The following NRXN3 variants were observed in gnomAD, a reference collection of about 807,000 sequenced individuals.
NRXN3 encodes the protein neurexin III.
A neutral mutation model predicts 137.6 loss-of-function variants in NRXN3; 32 were observed. The observed-to-expected ratio is 0.23, with a 90% confidence interval of 0.18 to 0.31. The LOEUF is 0.31. Among genes scored for constraint, NRXN3 ranks in the 10% least tolerant of loss-of-function variants. NRXN3 has a pLI of 1.00. For synonymous variants in NRXN3, 798 were observed against 784.5 expected (o/e 1.02, Z -0.29); for missense variants, 1,574 against 2,062.5 (o/e 0.76, Z 4.59).
chr14:78,488,264 A>G (rs1002835907), intron 4 of NRXN3, among the ~76,000 whole-genome samples: 1 of 152,208 alleles, frequency 6.6e-6, no homozygotes. Flanking sequence ...AAATACAGTC[A>G]CATTCTGAGG....
intron 15 of NRXN3, among the ~76,000 whole-genome samples, chr14:79,206,034 A>G (rs1281662234): frequency 2.6e-5 from 4 of 152,156 alleles, no homozygotes; most frequent in East Asian, 1.9e-4. Context: ...GCATGGAGGA[A>G]CACACCATTC....
At chr14:79,364,630 A>G (rs972364542) in intron 15 of NRXN3, among the ~76,000 whole-genome samples, 2 of 152,214 alleles carry the variant, frequency 1.3e-5, no homozygotes, top group Non-Finnish European at 2.9e-5. Context: ...GTACATAATA[A>G]TAATACTCTA....
intron 15 of NRXN3, among the ~76,000 whole-genome samples, chr14:79,245,814 T>C (rs1306092647): frequency 2.0e-5 from 3 of 152,128 alleles, no homozygotes; most frequent in Non-Finnish European, 4.4e-5. Context: ...GAGTCCTTTT[T>C]AAAAAATAAT....
chr14:79,569,692 T>C (rs170246), intron 16 of NRXN3, among the ~76,000 whole-genome samples: 15,748 of 151,588 alleles, frequency 0.1, 1,268 homozygotes, highest in African/African-American at 0.22. Context: ...CCCTGCAACC[T>C]CCGTCTCCCG....
In NRXN3 at chr14:79,754,537, T is replaced by C. The variant is rs1414897410; in HGVS notation, c.4015-50575T>C. Among the ~76,000 whole-genome samples the C allele has an allele frequency of 7.6e-4, 71 of 93,150 alleles. 1 individual carries two copies. The highest frequency in any genetic ancestry group is 2.1e-3 in the South Asian group (5 of 2,338). 61.1% of individuals were successfully genotyped at this position (93,150 alleles called of 152,430 possible). On this transcript the variant is annotated intron_variant, in intron 19 of 20. Transcript: ENST00000335750. Reference sequence around the variant, plus strand: ...ATATATATATATATATATATATATATATATATATATATATATATATATATA... The same window carrying C: ...ATATATATATATATATATATATATACATATATATATATATATATATATATA...
At position 79,697,837 on chromosome 14, in the gene NRXN3, C is replaced by T. The variant is rs746669604; in HGVS notation, c.3914C>T (p.Thr1305Met). The change falls in exon 19 of 21, where the codon ACG (threonine) becomes ATG (methionine). Residue 1305 changes from threonine (T) to methionine (M), a missense_variant. This residue lies in a region of NRXN3 where 320 missense variants were observed against 387.1 expected (regional missense o/e 0.83). Transcript: ENST00000335750. ...EVPSILGTTQ[T>M]TSMPPEMSTT... ...CCATCAATTTTGGGAACAACACAGA[C>T]GACCTCCATGCCACCAGAAATGTCT... The T allele has an allele frequency of 3.7e-5, 59 of 1,613,126 alleles. No homozygotes were observed. Among genetic ancestry groups the T allele is most frequent in the South Asian group, 1.8e-4 (16 of 91,076 alleles).
At chr14:79,417,717 C>A (rs1351550211) in intron 15 of NRXN3, among the ~76,000 whole-genome samples, 1 of 151,978 alleles carries the variant, frequency 6.6e-6, no homozygotes, top group African/African-American at 2.4e-5. Flanking sequence ...GAAAATAGCT[C>A]AAAATTTAGA....
At chr14:78,807,504 G>A (rs1404699354) in intron 9 of NRXN3, among the ~76,000 whole-genome samples, 3 of 152,044 alleles carry the variant, frequency 2.0e-5, no homozygotes, top group South Asian at 2.1e-4. Flanking sequence ...CAGCTCTTTG[G>A]GAGGCCGAGG....
chr14:78,373,846 A>G (rs1323244054), intron 4 of NRXN3, among the ~76,000 whole-genome samples: 1 of 152,256 alleles, frequency 6.6e-6, no homozygotes, highest in African/African-American at 2.4e-5. Context: ...TGAGAGAGAA[A>G]AAAAGACCTG....
chr14:79,037,992 A>C (rs1467358522), intron 15 of NRXN3, among the ~76,000 whole-genome samples: 2 of 152,052 alleles, frequency 1.3e-5, no homozygotes, highest in Non-Finnish European at 2.9e-5. Context: ...GATCCTGCTG[A>C]CTTTGTAGAC....
chr14:79,230,163 C>G (rs2071883478), intron 15 of NRXN3, among the ~76,000 whole-genome samples: 2 of 152,042 alleles, frequency 1.3e-5, no homozygotes, highest in Non-Finnish European at 2.9e-5. Context: ...ACACAGTAGA[C>G]TTGAAATATT....
At chr14:79,520,038 A>G in intron 16 of NRXN3, among the ~76,000 whole-genome samples, 1 of 149,630 alleles carries the variant, frequency 6.7e-6, no homozygotes, top group East Asian at 1.9e-4. Context: ...ATAACTCTTA[A>G]GTTTTCTGTT....
At chr14:79,841,577 G>A (rs2141461546) in intron 20 of NRXN3, among the ~76,000 whole-genome samples, 1 of 152,328 alleles carries the variant, frequency 6.6e-6, no homozygotes, top group Non-Finnish European at 1.5e-5. Context: ...TGGCTGCAGG[G>A]CCACAGCAGG....
At chr14:78,908,786 G>T (rs559310601) in intron 10 of NRXN3, among the ~76,000 whole-genome samples, 1 of 151,962 alleles carries the variant, frequency 6.6e-6, no homozygotes, top group African/African-American at 2.4e-5. Context: ...TTATGGTGAG[G>T]CTTGGGTAGA....
At chr14:79,638,806 C>T (rs2098418409) in intron 16 of NRXN3, among the ~76,000 whole-genome samples, 1 of 152,086 alleles carries the variant, frequency 6.6e-6, no homozygotes, top group Non-Finnish European at 1.5e-5. Context: ...TTGCTGTTGG[C>T]AGAGTAACGG....
chr14:79,421,978 T>C (rs2095582913), intron 15 of NRXN3, among the ~76,000 whole-genome samples: 1 of 152,202 alleles, frequency 6.6e-6, no homozygotes, highest in Non-Finnish European at 1.5e-5. Flanking sequence ...GACTTCACCA[T>C]GTAGATCTCA....
intron 15 of NRXN3, among the ~76,000 whole-genome samples, chr14:79,269,754 C>T (rs556620950): frequency 1.3e-5 from 2 of 152,180 alleles, no homozygotes; most frequent in South Asian, 2.1e-4. Context: ...GGAAAATGCC[C>T]TCTCAGATCA....
chr14:79,394,379 T>TA (rs2094950990), intron 15 of NRXN3, among the ~76,000 whole-genome samples: 1 of 152,208 alleles, frequency 6.6e-6, no homozygotes, highest in Non-Finnish European at 1.5e-5. Context: ...GTACACTTCT[T>TA]ACATTGGTTT....
chr14:79,621,446 G>T (rs1281980446), intron 16 of NRXN3, among the ~76,000 whole-genome samples: 1 of 152,224 alleles, frequency 6.6e-6, no homozygotes, highest in East Asian at 1.9e-4. Context: ...ATAACTTTAT[G>T]AGTCCTTTGC....
Sources: allele counts gnomAD v4.1 joint callset (sites outside exome capture counted in the v4.1 genomes callset), GRCh38; gene constraint gnomAD v4.1.1; regional missense constraint gnomAD v4.1.1; transcripts MANE v1.5; gene names NCBI Gene and HGNC (gene_info 2026-07-23, HGNC 2026-07-21).